SLC8A1: variants seen among roughly 807,000 people sequenced by gnomAD.
SLC8A1 encodes solute carrier family 8 member A1, also known as sodium/calcium exchanger 1.
In SLC8A1, 18 loss-of-function variants were observed where a neutral mutation model predicts 68.3. The observed-to-expected ratio is 0.26, with a 90% CI of 0.18 to 0.39. The LOEUF is 0.39. Among genes scored for constraint, SLC8A1 ranks in the 10% least tolerant of loss-of-function variants. The probability of loss-of-function intolerance (pLI) is 1.00; values close to 1 mark genes in which losing one functional copy is unlikely to be tolerated. For synonymous variants in SLC8A1, 475 were observed against 415.5 expected (o/e 1.14, Z -1.74); for missense variants, 985 against 1,156.7 (o/e 0.85, Z 2.15).
intron 1 of SLC8A1, among the ~76,000 whole-genome samples, chr2:40,504,611 G>T (rs1706252542): frequency 6.6e-6 from 1 of 151,774 alleles, no homozygotes; most frequent in South Asian, 2.1e-4. Flanking sequence ...ACAACTCTAT[G>T]AGATACATTC....
intron 2 of SLC8A1, among the ~76,000 whole-genome samples, chr2:40,256,073 G>C (rs1254503998): frequency 6.6e-6 from 1 of 152,162 alleles, no homozygotes; most frequent in East Asian, 1.9e-4. Flanking sequence ...GCCACAGGAT[G>C]GGTAACGACA....
chr2:40,270,782 T>C (rs1287874624), intron 2 of SLC8A1, among the ~76,000 whole-genome samples: 1 of 152,134 alleles, frequency 6.6e-6, no homozygotes, highest in African/African-American at 2.4e-5. Context: ...ATTATTCCAC[T>C]TACCACAGGT....
intron 2 of SLC8A1, among the ~76,000 whole-genome samples, chr2:40,410,805 A>C (rs1228378840): frequency 1.3e-5 from 2 of 152,086 alleles, no homozygotes; most frequent in African/African-American, 4.8e-5. Context: ...AAGCATTTTC[A>C]CATACCTTAT....
At chr2:40,223,285 A>T (rs879027630) in intron 2 of SLC8A1, among the ~76,000 whole-genome samples, 3 of 152,130 alleles carry the variant, frequency 2.0e-5, no homozygotes, top group Non-Finnish European at 4.4e-5. Flanking sequence ...CAAACACCAC[A>T]TGTTCTCACT....
intron 2 of SLC8A1, among the ~76,000 whole-genome samples, chr2:40,235,919 A>T (rs1403094392): frequency 2.6e-5 from 4 of 151,526 alleles, no homozygotes; most frequent in Non-Finnish European, 5.9e-5. Flanking sequence ...TTTGAGTGAG[A>T]TTCTTAATCC....
chr2:40,112,392 TATA>T (rs2034646759), exon 8 of SLC8A1: 1 of 144,236 alleles, frequency 6.9e-6, no homozygotes, highest in African/African-American at 2.6e-5. Flanking sequence ...TTTACACAAC[TATA>T]ATAATAACAA....
chr2:40,380,811 G>A (rs1193684893), intron 2 of SLC8A1, among the ~76,000 whole-genome samples: 1 of 152,044 alleles, frequency 6.6e-6, no homozygotes, highest in Non-Finnish European at 1.5e-5. Context: ...GCTAGATCTG[G>A]CCTCCCTACT....
At chr2:40,123,196 C>T (rs989024930) in intron 7 of SLC8A1, 15 of 152,242 alleles carry the variant, frequency 9.9e-5, no homozygotes, top group Admixed American at 9.2e-4. Flanking sequence ...ATAACTGATA[C>T]ATTTGACAAC....
chr2:40,497,773 C>G (rs561702326), intron 1 of SLC8A1, among the ~76,000 whole-genome samples: 1 of 152,032 alleles, frequency 6.6e-6, no homozygotes, highest in East Asian at 1.9e-4. Context: ...TTTCAAGGGT[C>G]TTTGGTATTA....
chr2:40,159,851 C>A (rs910412751), intron 6 of SLC8A1, among the ~76,000 whole-genome samples: 3 of 152,116 alleles, frequency 2.0e-5, no homozygotes, highest in Admixed American at 2.0e-4. Flanking sequence ...GTCAAATTAC[C>A]CTGTGGCAGA....
intron 2 of SLC8A1, among the ~76,000 whole-genome samples, chr2:40,205,469 C>T (rs2055226171): frequency 6.6e-6 from 1 of 151,922 alleles, no homozygotes; most frequent in East Asian, 1.9e-4. Context: ...ACCACATTTT[C>T]TTTATCCAGT....
intron 6 of SLC8A1, among the ~76,000 whole-genome samples, chr2:40,148,412 T>A (rs1573162107): frequency 6.6e-6 from 1 of 152,218 alleles, no homozygotes; most frequent in African/African-American, 2.4e-5. Context: ...TTTCCTGATC[T>A]CAGGATCTCC....
chr2:40,384,943 C>A (rs958519568), intron 2 of SLC8A1, among the ~76,000 whole-genome samples: 1 of 151,974 alleles, frequency 6.6e-6, no homozygotes, highest in Non-Finnish European at 1.5e-5. Context: ...TAATCAAGGT[C>A]AAATCTCTTT....
chr2:40,350,483 TA>T, intron 2 of SLC8A1, among the ~76,000 whole-genome samples: 1 of 146,278 alleles, frequency 6.8e-6, no homozygotes, highest in South Asian at 2.2e-4. Context: ...TCTGTCCCCC[TA>T]AAAAAATGTC....
intron 2 of SLC8A1, among the ~76,000 whole-genome samples, chr2:40,358,085 G>A (rs893162901): frequency 1.0e-4 from 15 of 150,284 alleles, no homozygotes; most frequent in Non-Finnish European, 1.9e-4. Context: ...GGCGGTGCTG[G>A]TGGTGACCTA....
At chr2:40,405,042 T>G (rs1183681394) in intron 2 of SLC8A1, among the ~76,000 whole-genome samples, 1 of 152,066 alleles carries the variant, frequency 6.6e-6, no homozygotes, top group Non-Finnish European at 1.5e-5. Context: ...TCCATGCTAC[T>G]CCCCCTCCCC....
At chr2:40,265,382 A>G (rs2065236549) in intron 2 of SLC8A1, among the ~76,000 whole-genome samples, 1 of 152,198 alleles carries the variant, frequency 6.6e-6, no homozygotes, top group African/African-American at 2.4e-5. Context: ...TATTAGAAAT[A>G]AAACACCCTG....
chr2:40,259,101 T>C (rs1468705812), intron 2 of SLC8A1, among the ~76,000 whole-genome samples: 2 of 152,138 alleles, frequency 1.3e-5, no homozygotes, highest in African/African-American at 2.4e-5. Context: ...AGAAAGTCCA[T>C]AGGCAGTCTC....
chr2:40,467,282 A>G (rs1327882242), intron 1 of SLC8A1, among the ~76,000 whole-genome samples: 1 of 152,154 alleles, frequency 6.6e-6, no homozygotes, highest in African/African-American at 2.4e-5. Context: ...TTTTGCATAC[A>G]GCTGAGAGTG....
Sources: gnomAD v4.1 joint callset for allele counts (sites outside exome capture counted in the v4.1 genomes callset) on GRCh38, gnomAD v4.1.1 for gene constraint, MANE v1.5 for transcripts, NCBI Gene and HGNC (gene_info 2026-07-23, HGNC 2026-07-21) for gene names.